The following PEAK1 variants were observed in gnomAD, a reference collection of about 807,000 sequenced individuals.
PEAK1 encodes inactive tyrosine-protein kinase PEAK1.
A neutral mutation model predicts 124.7 loss-of-function variants in PEAK1; 54 were observed. The ratio of observed to expected loss-of-function variants is 0.43; its 90% confidence interval spans 0.35 to 0.54. PEAK1 has a LOEUF of 0.54. Among genes scored for constraint, PEAK1 ranks in the 20% least tolerant of loss-of-function variants. The probability of loss-of-function intolerance (pLI) is 0.01; values close to 1 mark genes in which losing one functional copy is unlikely to be tolerated. For synonymous variants in PEAK1, 719 were observed against 760.0 expected, an observed-to-expected ratio of 0.95 and a Z score of 0.89; for missense variants, 2,046 against 2,134.5, an observed-to-expected ratio of 0.96 and a Z score of 0.82.
intron 1 of PEAK1, among the ~76,000 whole-genome samples, chr15:77,396,324 TA>T (rs753933928): frequency 3.3e-5 from 5 of 151,362 alleles, no homozygotes; most frequent in Non-Finnish European, 5.9e-5. Flanking sequence ...TCACCTTCAC[TA>T]AAAGGAAGAC....
intron 5 of PEAK1, among the ~76,000 whole-genome samples, chr15:77,253,581 T>C (rs1232408765): frequency 6.6e-6 from 1 of 152,172 alleles, no homozygotes; most frequent in Non-Finnish European, 1.5e-5. Context: ...AATATCTAAG[T>C]TTTTAAAATG....
intron 6 of PEAK1, among the ~76,000 whole-genome samples, chr15:77,235,094 C>G (rs953795137): frequency 6.6e-6 from 1 of 152,054 alleles, no homozygotes; most frequent in Non-Finnish European, 1.5e-5. Context: ...GCCTTCCCAG[C>G]CATGCAAAAC....
At chr15:77,320,712 A>C (rs901764792) in intron 2 of PEAK1, among the ~76,000 whole-genome samples, 3 of 152,110 alleles carry the variant, frequency 2.0e-5, no homozygotes, top group Middle Eastern at 6.3e-3. Flanking sequence ...CACAACGTGC[A>C]GGTTAGTTAC....
At position 77,248,214 on chromosome 15, in the gene PEAK1, AG is replaced by A. The variant is rs2060684449; in HGVS notation, c.-115+4152del. 2.0e-5 allele frequency among the ~76,000 whole-genome samples: 3 copies of A among 152,016 alleles called. No homozygotes were observed. The South Asian group carries it at 6.2e-4, about 32-fold the overall frequency. ...ACCTGGCCAATCTATTATTTTCTCA[AG>A]TGAGCTTTGGTAGTTGAGATGAGGT... On this transcript the variant is annotated intron_variant, in intron 6 of 9. Coordinates refer to ENST00000682557, the MANE Select transcript of PEAK1 (RefSeq NM_001385026.1).
intron 2 of PEAK1, among the ~76,000 whole-genome samples, chr15:77,354,551 A>G (rs1267194877): frequency 2.6e-5 from 4 of 152,194 alleles, no homozygotes; most frequent in East Asian, 3.8e-4. Context: ...CCTTTGATAC[A>G]GCTTACAGGT....
chr15:77,293,720 G>C (rs2063343925), intron 2 of PEAK1, among the ~76,000 whole-genome samples: 1 of 152,132 alleles, frequency 6.6e-6, no homozygotes, highest in Non-Finnish European at 1.5e-5. Context: ...ATTATAACTA[G>C]GTGATGTGGA....
At chr15:77,176,773 G>A (rs948315230) in intron 7 of PEAK1, among the ~76,000 whole-genome samples, 5 of 152,136 alleles carry the variant, frequency 3.3e-5, no homozygotes, top group Middle Eastern at 3.2e-3. Flanking sequence ...CCAAAGGAGA[G>A]AGTCTCTTTC....
chr15:77,219,358 G>C (rs1407776412), intron 6 of PEAK1, among the ~76,000 whole-genome samples: 1 of 152,052 alleles, frequency 6.6e-6, no homozygotes, highest in African/African-American at 2.4e-5. Context: ...TATTTGGAGG[G>C]AGTGTACACA....
At chr15:77,376,866 T>C (rs914748732) in intron 1 of PEAK1, among the ~76,000 whole-genome samples, 3 of 152,214 alleles carry the variant, frequency 2.0e-5, no homozygotes, top group Admixed American at 2.0e-4. Flanking sequence ...ACAAAAGCTG[T>C]ATTACAGTTA....
At chr15:77,153,023 T>G (rs868002184) in intron 8 of PEAK1, among the ~76,000 whole-genome samples, 3 of 152,172 alleles carry the variant, frequency 2.0e-5, no homozygotes, top group African/African-American at 2.4e-5. Context: ...TAGGGAGGAT[T>G]CCCTCTTTTT....
At chr15:77,101,317 G>C (rs2050691908) in exon 7 of PEAK1, 1 of 152,182 alleles carries the variant, frequency 6.6e-6, no homozygotes, top group Non-Finnish European at 1.5e-5. Context: ...TGGAAAGCTG[G>C]AGAAATTGCC....
chr15:77,332,964 A>T (rs2065982988), intron 2 of PEAK1: 5 of 710,014 alleles, frequency 7.0e-6, no homozygotes, highest in Middle Eastern at 7.2e-4. Context: ...AAACTGCCCT[A>T]TTCATGACTG....
chr15:77,219,278 C>G (rs1048804876), intron 6 of PEAK1, among the ~76,000 whole-genome samples: 1 of 151,978 alleles, frequency 6.6e-6, no homozygotes, highest in African/African-American at 2.4e-5. Flanking sequence ...TGAGATGATT[C>G]AGCAATGATT....
downstream of PEAK1, chr15:77,106,497 G>T (rs974193289): frequency 2.0e-5 from 3 of 152,150 alleles, no homozygotes; most frequent in Non-Finnish European, 4.4e-5. Context: ...CTGAGTAGCT[G>T]GGACTACAGG....
At chr15:77,305,328 T>C (rs1326394483) in intron 2 of PEAK1, among the ~76,000 whole-genome samples, 2 of 152,132 alleles carry the variant, frequency 1.3e-5, no homozygotes, top group Non-Finnish European at 1.5e-5. Flanking sequence ...CTGTCCTCCA[T>C]ATAACAACAA....
intron 7 of PEAK1, among the ~76,000 whole-genome samples, chr15:77,160,670 G>A (rs530102156): frequency 6.6e-6 from 1 of 152,128 alleles, no homozygotes; most frequent in East Asian, 1.9e-4. Context: ...GTGAGACTCT[G>A]TCTCAAAACA....
chr15:77,303,904 G>A (rs1361828488), intron 2 of PEAK1, among the ~76,000 whole-genome samples: 1 of 152,122 alleles, frequency 6.6e-6, no homozygotes, highest in African/African-American at 2.4e-5. Context: ...TAAATTATAA[G>A]GTCTGTGTCT....
At chr15:77,233,452 C>T (rs972205011) in intron 6 of PEAK1, among the ~76,000 whole-genome samples, 12 of 152,206 alleles carry the variant, frequency 7.9e-5, no homozygotes, top group African/African-American at 2.9e-4. Flanking sequence ...TGGGTTACCA[C>T]ACTTTTCTGG....
Position 77,357,148 on chromosome 15 carries a change from G to A in PEAK1, c.-603+8015C>T, listed in dbSNP as rs369353845. Among the ~76,000 whole-genome samples the A allele has an allele frequency of 7.3e-4, 111 of 152,358 alleles. 4 individuals are homozygous for A. The East Asian group carries it at 0.017, about 23-fold the overall frequency. On this transcript the variant is annotated intron_variant, in intron 2 of 9. Coordinates refer to ENST00000682557, the MANE Select transcript of PEAK1 (RefSeq NM_001385026.1). ...CAGCAGCGCATGGTGGCACATGCCT[G>A]TAGTCCCAGTTACTTGGGAGGTGAA...
Sources: gnomAD v4.1 joint callset for allele counts (sites outside exome capture counted in the v4.1 genomes callset) on GRCh38, gnomAD v4.1.1 for gene constraint, MANE v1.5 for transcripts, NCBI Gene and HGNC (gene_info 2026-07-23, HGNC 2026-07-21) for gene names.